Variants in SHANK2 observed in about 807,000 individuals in gnomAD.
SHANK2 encodes the protein SH3 and multiple ankyrin repeat domains 2, also known as SH3 and multiple ankyrin repeat domains protein 2.
SHANK2 carries 43 observed loss-of-function variants against 133.7 expected under a neutral mutation model. The observed-to-expected ratio is 0.32, with a 90% confidence interval of 0.25 to 0.41. SHANK2 has a LOEUF of 0.41. SHANK2 is among the 10% of genes least tolerant of loss of function. The pLI is 1.00. For synonymous variants in SHANK2, 1,017 were observed against 952.8 expected (o/e 1.07, Z -1.24); for missense variants, 1,994 against 2,235.8 (o/e 0.89, Z 2.18).
chr11:71,207,142 T>A (rs574010192), intron 2 of SHANK2, among the ~76,000 whole-genome samples: 46 of 139,022 alleles, frequency 3.3e-4, no homozygotes, highest in African/African-American at 1.2e-3. Context: ...GAAAAAAAAA[T>A]AGGAACATTT....
At chr11:70,792,515 A>C (rs975538965) in intron 14 of SHANK2, among the ~76,000 whole-genome samples, 2 of 152,344 alleles carry the variant, frequency 1.3e-5, no homozygotes, top group African/African-American at 4.8e-5. Context: ...GGCTATGAGA[A>C]TTCACTGGGT....
At chr11:70,689,906 G>A (rs1945239033) in intron 15 of SHANK2, among the ~76,000 whole-genome samples, 1 of 152,236 alleles carries the variant, frequency 6.6e-6, no homozygotes, top group South Asian at 2.1e-4. Context: ...TAAGCCATGA[G>A]TAGAGACGGG....
At chr11:71,152,302 C>T (rs1232847141) in intron 2 of SHANK2, among the ~76,000 whole-genome samples, 5 of 152,100 alleles carry the variant, frequency 3.3e-5, no homozygotes, top group Non-Finnish European at 5.9e-5. Flanking sequence ...TTAGTAGAGA[C>T]GGGTTTTCAC....
chr11:70,725,988 G>A (rs970530824), intron 14 of SHANK2, among the ~76,000 whole-genome samples: 4 of 152,192 alleles, frequency 2.6e-5, no homozygotes, highest in East Asian at 1.9e-4. Context: ...GAGGGTATGC[G>A]TGAACTCACA....
At chr11:71,238,729 C>G (rs1954853384) in intron 1 of SHANK2, among the ~76,000 whole-genome samples, 1 of 152,270 alleles carries the variant, frequency 6.6e-6, no homozygotes, top group African/African-American at 2.4e-5. Flanking sequence ...TGGGCAAATG[C>G]ACTGTCTGTG....
At chr11:70,542,878 A>T (rs1353264684) in intron 17 of SHANK2, among the ~76,000 whole-genome samples, 2 of 152,276 alleles carry the variant, frequency 1.3e-5, no homozygotes, top group East Asian at 3.9e-4. Context: ...AAATGTTCCC[A>T]GGGGATTTCT....
chr11:70,790,284 C>T (rs1947760299), intron 14 of SHANK2, among the ~76,000 whole-genome samples: 2 of 152,068 alleles, frequency 1.3e-5, no homozygotes, highest in Non-Finnish European at 2.9e-5. Flanking sequence ...CACTGTCTCT[C>T]CACCCAGGGT....
chr11:70,845,648 G>T (rs1948986082), intron 11 of SHANK2, among the ~76,000 whole-genome samples: 1 of 152,132 alleles, frequency 6.6e-6, no homozygotes, highest in Non-Finnish European at 1.5e-5. Context: ...ACACTGAGAT[G>T]CCAATAAAAC....
intron 17 of SHANK2, among the ~76,000 whole-genome samples, chr11:70,530,688 C>A (rs1481310119): frequency 6.6e-6 from 1 of 152,048 alleles, no homozygotes; most frequent in African/African-American, 2.4e-5. Context: ...GTAGCCAAAT[C>A]CACAGAGACA....
chr11:70,488,583 G>C (rs1225035386), intron 24 of SHANK2, among the ~76,000 whole-genome samples: 3 of 152,220 alleles, frequency 2.0e-5, no homozygotes, highest in Non-Finnish European at 2.9e-5. Flanking sequence ...CTGCCCCTGA[G>C]GGGAGGGAGC....
chr11:70,877,964 A>G (rs547967883), intron 11 of SHANK2, among the ~76,000 whole-genome samples: 85 of 152,220 alleles, frequency 5.6e-4, no homozygotes, highest in Non-Finnish European at 1.1e-3. Flanking sequence ...TGGGGAAAAG[A>G]GAAGACGTTA....
chr11:71,130,061 C>G (rs1323459847), intron 3 of SHANK2, among the ~76,000 whole-genome samples: 1 of 152,172 alleles, frequency 6.6e-6, no homozygotes, highest in Non-Finnish European at 1.5e-5. Flanking sequence ...ATAAGGACTC[C>G]AGTCCGATGG....
At chr11:70,775,069 G>A (rs557299757) in intron 14 of SHANK2, among the ~76,000 whole-genome samples, 33 of 152,260 alleles carry the variant, frequency 2.2e-4, no homozygotes, top group African/African-American at 7.7e-4. Flanking sequence ...TGAAGCGAAA[G>A]GATCACTTGA....
chr11:70,573,746 GC>G (rs1372913016), intron 17 of SHANK2, among the ~76,000 whole-genome samples: 1 of 152,180 alleles, frequency 6.6e-6, no homozygotes, highest in Non-Finnish European at 1.5e-5. Context: ...GCCAGCCGAT[GC>G]CCCAAGCCCC....
chr11:70,788,453 G>A (rs963441311), intron 14 of SHANK2, among the ~76,000 whole-genome samples: 1 of 152,152 alleles, frequency 6.6e-6, no homozygotes, highest in Non-Finnish European at 1.5e-5. Flanking sequence ...GTGCCGTTCC[G>A]CCCGGGGGAA....
At chr11:70,930,277 C>T (rs905039383) in intron 10 of SHANK2, among the ~76,000 whole-genome samples, 5 of 152,146 alleles carry the variant, frequency 3.3e-5, no homozygotes, top group Non-Finnish European at 5.9e-5. Context: ...CATGCTCTGC[C>T]GGTGCTCTGC....
At chr11:70,760,873 C>T (rs1946982717) in intron 14 of SHANK2, among the ~76,000 whole-genome samples, 1 of 152,170 alleles carries the variant, frequency 6.6e-6, no homozygotes, top group Non-Finnish European at 1.5e-5. Context: ...GGGGCAGAGG[C>T]TGGAGGATGA....
At chr11:70,659,800 A>G in intron 17 of SHANK2, 28 bp downstream of exon 17, 1 of 1,613,994 alleles carries the variant, frequency 6.2e-7, no homozygotes, top group Non-Finnish European at 8.5e-7. Context: ...CTCCCCAAGC[A>G]GAAAGATACA....
At chr11:70,903,942 A>C (rs1242292207) in intron 10 of SHANK2, among the ~76,000 whole-genome samples, 2 of 152,154 alleles carry the variant, frequency 1.3e-5, no homozygotes, top group South Asian at 2.1e-4. Context: ...GATGCTGTGT[A>C]AGCAGGTAAG....
Sources: gnomAD v4.1 joint callset for allele counts (sites outside exome capture counted in the v4.1 genomes callset) on GRCh38, gnomAD v4.1.1 for gene constraint, MANE v1.5 for transcripts, NCBI Gene and HGNC (gene_info 2026-07-23, HGNC 2026-07-21) for gene names.